The following PDZD2 variants were observed in gnomAD, a reference collection of about 807,000 sequenced individuals.
The protein encoded by PDZD2 is PDZ domain-containing protein 2.
In PDZD2, 90 loss-of-function variants were observed where a neutral mutation model predicts 220.7. That is an observed-to-expected ratio of 0.41 (90% CI 0.34 to 0.49). The LOEUF is 0.49. Among genes scored for constraint, PDZD2 ranks in the 20% least tolerant of loss-of-function variants. The pLI, the probability that PDZD2 is intolerant of heterozygous loss-of-function variation, is 0.28. For missense variants in PDZD2, 3,174 were observed against 3,608.5 expected, an observed-to-expected ratio of 0.88 and a Z score of 3.08; for synonymous variants, 1,375 against 1,450.5, an observed-to-expected ratio of 0.95 and a Z score of 1.18.
At chr5:31,694,086 A>G (rs1454149951) in intron 1 of PDZD2, among the ~76,000 whole-genome samples, 1 of 152,184 alleles carries the variant, frequency 6.6e-6, no homozygotes, top group African/African-American at 2.4e-5. Flanking sequence ...TCATGTTAGC[A>G]TTTAGAATGT....
In PDZD2 at chr5:32,072,263, C is replaced by T; in HGVS notation, c.2671C>T (p.Pro891Ser). 2 of 1,614,108 alleles carry T rather than the reference C, an allele frequency of 1.2e-6. No individual in the cohort carries two copies. Among genetic ancestry groups the T allele is most frequent in the Non-Finnish European group, 1.7e-6 (2 of 1,179,966 alleles). ...GGCCGGTTCTGAGGACGAGGATCAC[C>T]CGGGAAGTGGCTGCAGCACGTCGGA... ...MVAGSEDEDH[P>S]GSGCSTSEEG... is the part of the protein sequence containing the mutation. The change falls in exon 17 of 25, where the codon CCG becomes TCG. Residue 891 changes from proline to serine, a missense_variant. Transcript: ENST00000438447.
At chr5:31,674,222 C>T (rs563261439) in intron 1 of PDZD2, among the ~76,000 whole-genome samples, 27 of 152,288 alleles carry the variant, frequency 1.8e-4, no homozygotes, top group African/African-American at 5.5e-4. Flanking sequence ...GCTTCAAATA[C>T]AGTCTGTGAA....
intron 2 of PDZD2, among the ~76,000 whole-genome samples, chr5:31,862,568 T>C (rs1003435309): frequency 8.8e-5 from 13 of 147,166 alleles, no homozygotes; most frequent in African/African-American, 2.7e-4. Flanking sequence ...CTTTTCTTTT[T>C]TTTTTTTTTT....
intron 1 of PDZD2, among the ~76,000 whole-genome samples, chr5:31,705,519 A>G (rs1747785537): frequency 6.6e-6 from 1 of 152,206 alleles, no homozygotes; most frequent in African/African-American, 2.4e-5. Context: ...TATTTTATAC[A>G]TATCATCTAA....
chr5:31,736,305 T>C (rs1749858518), intron 1 of PDZD2, among the ~76,000 whole-genome samples: 1 of 152,210 alleles, frequency 6.6e-6, no homozygotes, highest in Non-Finnish European at 1.5e-5. Flanking sequence ...TCGTGGGTGC[T>C]ACGGCAGTGT....
intron 2 of PDZD2, among the ~76,000 whole-genome samples, chr5:31,903,828 A>G (rs1050597919): frequency 6.6e-6 from 1 of 151,928 alleles, no homozygotes; most frequent in African/African-American, 2.4e-5. Flanking sequence ...GGTTCACGCA[A>G]TTCTTCTGCC....
At chr5:31,752,076 T>TTTTTTTTTG (rs1751024980) in intron 1 of PDZD2, among the ~76,000 whole-genome samples, 1 of 121,768 alleles carries the variant, frequency 8.2e-6, no homozygotes, top group Non-Finnish European at 1.8e-5. Context: ...TGGGTTTGTT[T>TTTTTTTTTG]TTTTTTTTTT....
chr5:31,743,221 T>C (rs1750374985), intron 1 of PDZD2, among the ~76,000 whole-genome samples: 1 of 151,976 alleles, frequency 6.6e-6, no homozygotes, highest in South Asian at 2.1e-4. Flanking sequence ...CTGCCCAGGC[T>C]GGAGTGCAGT....
At chr5:31,864,993 C>T (rs62361597) in intron 2 of PDZD2, among the ~76,000 whole-genome samples, 5,746 of 151,328 alleles carry the variant, frequency 0.038, 142 homozygotes, top group Non-Finnish European at 0.051. Flanking sequence ...GGACTACAGG[C>T]GCCCGCCACC....
intron 7 of PDZD2, among the ~76,000 whole-genome samples, chr5:32,042,404 A>G (rs1385977335): frequency 6.7e-6 from 1 of 149,110 alleles, no homozygotes; most frequent in Non-Finnish European, 1.5e-5. Flanking sequence ...TCTACTAAAA[A>G]TACAAAAAAA....
chr5:32,101,921 A>G (rs1201936168), intron 24 of PDZD2, among the ~76,000 whole-genome samples: 1 of 152,202 alleles, frequency 6.6e-6, no homozygotes, highest in Non-Finnish European at 1.5e-5. Context: ...ATACTTGCAA[A>G]TAGATCAGAA....
At chr5:31,718,478 T>C (rs1748586161) in intron 1 of PDZD2, among the ~76,000 whole-genome samples, 2 of 152,272 alleles carry the variant, frequency 1.3e-5, no homozygotes, top group African/African-American at 4.8e-5. Context: ...ACAACAGACA[T>C]TTATTATCCC....
At chr5:31,904,964 G>A (rs1226006315) in intron 2 of PDZD2, among the ~76,000 whole-genome samples, 3 of 151,684 alleles carry the variant, frequency 2.0e-5, no homozygotes, top group African/African-American at 4.8e-5. Context: ...GTGTGTGTGT[G>A]TGTTTTGTTC....
chr5:31,960,892 C>A (rs960671251), intron 2 of PDZD2, among the ~76,000 whole-genome samples: 2 of 151,866 alleles, frequency 1.3e-5, no homozygotes, highest in Non-Finnish European at 1.5e-5. Context: ...GTGTATAATT[C>A]TTTTAATGAA....
At chr5:32,092,840 G>T in intron 20 of PDZD2, 67 bp from the exon 21 acceptor site, 1 of 746,040 alleles carries the variant, frequency 1.3e-6, no homozygotes, top group Non-Finnish European at 2.2e-6. Context: ...CATTTTAAAT[G>T]CATTCTTATA....
rs1204243451 is a variant in PDZD2, at chr5:32,089,311, C to G, written c.5863C>G (p.Gln1955Glu). 2 of 1,614,104 alleles carry G rather than the reference C, an allele frequency of 1.2e-6. No homozygotes were observed. Among genetic ancestry groups the G allele is most frequent in the Admixed American group, 1.7e-5 (1 of 60,016 alleles). ...CACCACAGCTGCCCCCAGGTCCCCCCAGTGTGTGCTGGAAAGCAAGCCACC... is the reference window on the plus strand; with the variant it reads ...CACCACAGCTGCCCCCAGGTCCCCCGAGTGTGTGCTGGAAAGCAAGCCACC... ...RNTTAAPRSP[Q>E]CVLESKPPLA... The change falls in exon 20 of 25, where the codon CAG (glutamine) becomes GAG (glutamate). Residue 1955 changes from glutamine (Q) to glutamate (E), a missense_variant. Physicochemically the swap from Gln to Glu is conservative, Grantham distance 29. Around this residue, in one of 4 missense-constraint regions of PDZD2, gnomAD observed 1,861 missense variants for 2,001.0 expected, o/e 0.93. Transcript: ENST00000438447.
intron 2 of PDZD2, among the ~76,000 whole-genome samples, chr5:31,853,921 C>T (rs930718595): frequency 1.3e-5 from 2 of 152,202 alleles, no homozygotes; most frequent in Non-Finnish European, 2.9e-5. Flanking sequence ...ATTCCTCTAG[C>T]TCAGGTCCCT....
intron 2 of PDZD2, among the ~76,000 whole-genome samples, chr5:31,846,580 T>TA (rs1207273604): frequency 6.6e-6 from 1 of 152,272 alleles, no homozygotes; most frequent in Non-Finnish European, 1.5e-5. Flanking sequence ...ATGTTTCCAT[T>TA]AACTACATCT....
chr5:31,925,726 C>T (rs1744697199), intron 2 of PDZD2, among the ~76,000 whole-genome samples: 1 of 147,796 alleles, frequency 6.8e-6, no homozygotes, highest in Non-Finnish European at 1.5e-5. Context: ...AGGTCTAATA[C>T]TAGAATCTAT....
Sources: gnomAD v4.1 joint callset for allele counts (sites outside exome capture counted in the v4.1 genomes callset) on GRCh38, gnomAD v4.1.1 for gene constraint, gnomAD v4.1.1 regional missense constraint, MANE v1.5 for transcripts, NCBI Gene and HGNC (gene_info 2026-07-23, HGNC 2026-07-21) for gene names.